DOCK10: variants seen among roughly 807,000 people sequenced by gnomAD.
The protein encoded by DOCK10 is dedicator of cytokinesis protein 10.
A neutral mutation model predicts 280.1 loss-of-function variants in DOCK10; 145 were observed. The observed-to-expected ratio is 0.52, with a 90% CI of 0.45 to 0.59. The LOEUF (loss-of-function observed/expected upper bound fraction) is 0.59. DOCK10 is among the 20% of genes least tolerant of loss of function. DOCK10 has a pLI of 0.00. For missense variants in DOCK10, 2,368 were observed against 2,651.7 expected, an observed-to-expected ratio of 0.89 and a Z score of 2.35; for synonymous variants, 915 against 942.2, an observed-to-expected ratio of 0.97 and a Z score of 0.53.
intron 1 of DOCK10, among the ~76,000 whole-genome samples, chr2:225,035,364 C>T (rs532618365): frequency 6.6e-6 from 1 of 151,520 alleles, no homozygotes; most frequent in Non-Finnish European, 1.5e-5. Context: ...TTACCGCATT[C>T]AAGCATGAAT....
intron 1 of DOCK10, among the ~76,000 whole-genome samples, chr2:224,977,212 T>C (rs530318240): frequency 1.3e-5 from 2 of 152,340 alleles, no homozygotes; most frequent in Admixed American, 6.5e-5. Flanking sequence ...TTAAATGTTA[T>C]GGTTTCTACT....
chr2:224,830,684 T>C, intron 26 of DOCK10, 72 bp from the exon 27 acceptor site: 2 of 757,062 alleles, frequency 2.6e-6, no homozygotes, highest in East Asian at 2.9e-5. Context: ...TTCTTTGCAA[T>C]ATGTAATACT....
chr2:224,852,303 C>T lies in DOCK10; in HGVS notation c.2142+74G>A, dbSNP rs1254144264. 11 of 1,134,108 alleles carry T rather than the reference C, an allele frequency of 9.7e-6. No individual in the cohort carries two copies. The Admixed American group carries it at 1.1e-4, about 11-fold the overall frequency. 70.3% of individuals were successfully genotyped at this position (1,134,108 alleles called of 1,614,324 possible). A position where few individuals can be genotyped will look rare whatever the true frequency, so the allele number is the denominator to read the frequency against. On this transcript the variant is annotated intron_variant, in intron 18 of 55. Coordinates refer to ENST00000258390, the MANE Select transcript of DOCK10 (RefSeq NM_014689.3). Reference sequence around the variant, plus strand: ...CTTTCAACCACACTCACATAAAAAGCCCTGCAATGGTGGAAAGAATCCCTG... The same window carrying T: ...CTTTCAACCACACTCACATAAAAAGTCCTGCAATGGTGGAAAGAATCCCTG...
At chr2:224,944,690 C>T (rs1405274600) in intron 1 of DOCK10, among the ~76,000 whole-genome samples, 1 of 152,166 alleles carries the variant, frequency 6.6e-6, no homozygotes, top group East Asian at 1.9e-4. Flanking sequence ...TTACTCGTTG[C>T]ACTTTCTTGG....
In DOCK10 at chr2:225,040,614, T is replaced by G. The variant is rs929830192; in HGVS notation, c.123+1638A>C. On this transcript the variant is annotated intron_variant, in intron 1 of 55. Coordinates refer to ENST00000258390, the MANE Select transcript of DOCK10 (RefSeq NM_014689.3). ...TAGTGCCACAAAAATTCTAGGAGGATCTACATTTAAAAAAACACACAACAG... is the reference window on the plus strand; with the variant it reads ...TAGTGCCACAAAAATTCTAGGAGGAGCTACATTTAAAAAAACACACAACAG... 3.9e-5 allele frequency among the ~76,000 whole-genome samples: 6 copies of G among 152,002 alleles called. No individual in the cohort carries two copies. The South Asian group carries it at 1.2e-3, about 32-fold the overall frequency.
chr2:225,008,753 A>G (rs1473710016), intron 1 of DOCK10, among the ~76,000 whole-genome samples: 1 of 152,176 alleles, frequency 6.6e-6, no homozygotes, highest in Non-Finnish European at 1.5e-5. Flanking sequence ...GTAATGACAT[A>G]TCCAAAATGA....
intron 28 of DOCK10, among the ~76,000 whole-genome samples, chr2:224,821,218 G>T (rs1694483985): frequency 3.3e-5 from 5 of 152,162 alleles, no homozygotes; most frequent in Admixed American, 3.3e-4. Context: ...GTTCCCAGAG[G>T]TTCTTCTTGA....
In DOCK10 at chr2:224,874,318, G is replaced by T. The variant is rs1275010513; in HGVS notation, c.1049C>A (p.Thr350Lys). ...YLTETEDTVK[T>K]TRNMERLNLF... ...ATTTAGCCTCTCCATGTTTCGAGTT[G>T]TTTTTACAGTATCTTCTGTTTCTGT... The change falls in exon 10 of 56, where the codon ACA (threonine) becomes AAA (lysine). Residue 350 changes from threonine to lysine, a missense_variant. By Grantham distance (78) the Thr-to-Lys change is moderately conservative. Coordinates refer to ENST00000258390, the MANE Select transcript of DOCK10 (RefSeq NM_014689.3). The T allele has an allele frequency of 6.2e-7, 1 of 1,612,924 alleles. No homozygotes were observed. Among genetic ancestry groups the T allele is most frequent in the African/African-American group, 1.3e-5 (1 of 74,914 alleles).
chr2:224,877,422 C>CATA (rs1416607426), intron 7 of DOCK10, among the ~76,000 whole-genome samples: 3 of 96,356 alleles, frequency 3.1e-5, no homozygotes, highest in Non-Finnish European at 7.3e-5. Flanking sequence ...ATGAATGGAA[C>CATA]ATAATAGGTT....
rs1423480003 is a variant in DOCK10, at chr2:224,786,856, T to G, written c.5655+166A>C. 6.6e-6 allele frequency among the ~76,000 whole-genome samples: 1 copy of G among 152,200 alleles called. No homozygotes were observed. Among genetic ancestry groups the G allele is most frequent in the East Asian group, 1.9e-4 (1 of 5,192 alleles). ...CTTGTTTCCCAACTTTGTACATTCC[T>G]ATGGATAAACATATAGACCATCACA... On this transcript the variant is annotated intron_variant, in intron 50 of 55. Coordinates refer to ENST00000258390, the MANE Select transcript of DOCK10 (RefSeq NM_014689.3). This position sits in a 1 kb window ranked among gnomAD's most constrained non-coding sequence, Gnocchi z 4.7.
intron 19 of DOCK10, among the ~76,000 whole-genome samples, chr2:224,848,505 A>G (rs970798232): frequency 6.6e-6 from 1 of 152,200 alleles, no homozygotes; most frequent in Admixed American, 6.5e-5. Context: ...GTGGAGTCAC[A>G]TGGTCTGGTT....
intron 1 of DOCK10, among the ~76,000 whole-genome samples, chr2:224,978,977 C>T (rs1705603682): frequency 6.6e-6 from 1 of 152,192 alleles, no homozygotes; most frequent in Admixed American, 6.5e-5. Flanking sequence ...TATATTCAAT[C>T]CATAGGCAAA....
intron 14 of DOCK10, among the ~76,000 whole-genome samples, chr2:224,859,693 A>G (rs1697374699): frequency 6.6e-6 from 1 of 150,444 alleles, no homozygotes; most frequent in African/African-American, 2.5e-5. Flanking sequence ...TGTAAGGGCC[A>G]ACATGTCTTA....
At chr2:225,009,336 C>T (rs544961507) in intron 1 of DOCK10, among the ~76,000 whole-genome samples, 24 of 152,196 alleles carry the variant, frequency 1.6e-4, no homozygotes, top group African/African-American at 5.5e-4. Context: ...AGTTCTATAA[C>T]AGTAAAACCT....
chr2:225,003,213 G>A (rs1031067804), intron 1 of DOCK10, among the ~76,000 whole-genome samples: 1 of 151,946 alleles, frequency 6.6e-6, no homozygotes, highest in Admixed American at 6.6e-5. Flanking sequence ...CCTGGCTAAT[G>A]TTTGTATTTT....
At chr2:224,988,333 A>G (rs1241224182) in intron 1 of DOCK10, among the ~76,000 whole-genome samples, 21 of 152,180 alleles carry the variant, frequency 1.4e-4, no homozygotes, top group Admixed American at 1.4e-3. Context: ...CTTGTTTGCT[A>G]TATATCCAGC....
At chr2:224,916,540 C>CAAAAAA (rs35956360) in intron 3 of DOCK10, among the ~76,000 whole-genome samples, 155 bp downstream of exon 3, 4 of 110,942 alleles carry the variant, frequency 3.6e-5, no homozygotes, top group Non-Finnish European at 7.2e-5. Context: ...CACCCTCCCT[C>CAAAAAA]AAAAAAAAAA....
intron 1 of DOCK10, among the ~76,000 whole-genome samples, chr2:225,006,494 G>C (rs999779846): frequency 1.3e-5 from 2 of 152,118 alleles, no homozygotes; most frequent in Non-Finnish European, 2.9e-5. Flanking sequence ...TTTGCACTTA[G>C]AGTTCCTCTC....
intron 14 of DOCK10, chr2:224,861,042 T>C (rs981774620): frequency 2.0e-5 from 3 of 152,206 alleles, no homozygotes; most frequent in South Asian, 2.1e-4. Context: ...CTTGCCCCAG[T>C]AGGTTTTCTG....
Sources: allele counts gnomAD v4.1 joint callset (sites outside exome capture counted in the v4.1 genomes callset), GRCh38; gene constraint gnomAD v4.1.1; non-coding constraint Gnocchi (gnomAD v3.1); transcripts MANE v1.5; gene names NCBI Gene and HGNC (gene_info 2026-07-23, HGNC 2026-07-21).